The following AUTS2 variants were observed in gnomAD, a reference collection of about 807,000 sequenced individuals.
The protein encoded by AUTS2 is autism susceptibility gene 2 protein.
AUTS2 carries 17 observed loss-of-function variants against 112.4 expected under a neutral mutation model. That is an observed-to-expected ratio of 0.15 (90% confidence interval 0.10 to 0.23). AUTS2 has a LOEUF of 0.23. AUTS2 is among the 10% of genes least tolerant of loss of function. The probability of loss-of-function intolerance (pLI) is 1.00; values close to 1 mark genes in which losing one functional copy is unlikely to be tolerated. For missense variants in AUTS2, 1,510 were observed against 1,701.6 expected (o/e 0.89, Z 1.98); for synonymous variants, 751 against 702.7 (o/e 1.07, Z -1.09).
chr7:69,740,797 T>C (rs548106576), intron 1 of AUTS2, among the ~76,000 whole-genome samples: 2 of 152,276 alleles, frequency 1.3e-5, no homozygotes, highest in South Asian at 4.1e-4. Context: ...GCTGGGATTA[T>C]AGGCATGAGC....
chr7:70,359,714 A>G (rs1171540064), intron 4 of AUTS2, among the ~76,000 whole-genome samples: 2 of 151,896 alleles, frequency 1.3e-5, no homozygotes, highest in African/African-American at 4.8e-5. Flanking sequence ...ACTACACCCC[A>G]CCTCCCAACA....
chr7:69,677,712 C>T (rs1448499061), intron 1 of AUTS2, among the ~76,000 whole-genome samples: 2 of 152,100 alleles, frequency 1.3e-5, no homozygotes, highest in African/African-American at 2.4e-5. Flanking sequence ...TTGGAGACAT[C>T]GCTCACATTG....
At chr7:70,444,322 A>T (rs1234117446) in intron 5 of AUTS2, among the ~76,000 whole-genome samples, 1 of 149,804 alleles carries the variant, frequency 6.7e-6, no homozygotes, top group African/African-American at 2.5e-5. Context: ...TTCAATGAAG[A>T]TAGAACTTTT....
intron 1 of AUTS2, among the ~76,000 whole-genome samples, chr7:69,713,780 T>C (rs541693337): frequency 1.3e-5 from 2 of 152,274 alleles, no homozygotes; most frequent in African/African-American, 2.4e-5. Flanking sequence ...CTTTACGTGT[T>C]CTTAATTGAG....
intron 2 of AUTS2, among the ~76,000 whole-genome samples, chr7:70,067,304 T>G (rs191145151): frequency 6.6e-6 from 1 of 152,264 alleles, no homozygotes; most frequent in Admixed American, 6.5e-5. Flanking sequence ...TATCTAAGAA[T>G]GCAGTATACA....
At chr7:70,032,777 C>T (rs1800838287) in intron 2 of AUTS2, among the ~76,000 whole-genome samples, 1 of 152,068 alleles carries the variant, frequency 6.6e-6, no homozygotes, top group African/African-American at 2.4e-5. Flanking sequence ...GTATCCTCCT[C>T]CTCTAACCTT....
At chr7:70,177,508 T>G (rs1809053910) in intron 4 of AUTS2, among the ~76,000 whole-genome samples, 1 of 152,230 alleles carries the variant, frequency 6.6e-6, no homozygotes, top group Non-Finnish European at 1.5e-5. Flanking sequence ...TCATTTCATT[T>G]CTGTTATTTC....
chr7:70,692,278 C>T (rs1055344486), intron 5 of AUTS2, among the ~76,000 whole-genome samples: 2 of 152,218 alleles, frequency 1.3e-5, no homozygotes, highest in Non-Finnish European at 2.9e-5. Context: ...TGCCATCGTG[C>T]TCTCAGTTTA....
rs1563200483 is a variant in AUTS2 at position 70,787,435 on chromosome 7, CG to C, written c.2531+6del. 6.2e-7 allele frequency: 1 copy of C among 1,601,306 alleles called. No homozygotes were observed. The highest frequency in any genetic ancestry group is 1.7e-5 in the Admixed American group (1 of 59,104). On this transcript the variant is annotated splice_donor_5th_base_variant and intron_variant, in intron 18 of 18. Transcript: ENST00000342771. ...TTAGTAAAGATGACAAAGAAAGGTA[CG>C]GAAAGAAACCGCTCTCGAGTCCCCA...
At chr7:70,647,371 T>C (rs907610944) in intron 5 of AUTS2, among the ~76,000 whole-genome samples, 6 of 152,228 alleles carry the variant, frequency 3.9e-5, no homozygotes, top group African/African-American at 1.4e-4. Context: ...CTGCAAGCCC[T>C]GAATGTGCCT....
chr7:70,562,070 A>G (rs1168707665), intron 5 of AUTS2, among the ~76,000 whole-genome samples: 1 of 151,980 alleles, frequency 6.6e-6, no homozygotes, highest in Non-Finnish European at 1.5e-5. Context: ...CCTGTTGACT[A>G]CCCTTGCCTT....
chr7:70,170,677 A>G (rs532728255), intron 4 of AUTS2, among the ~76,000 whole-genome samples: 2 of 150,306 alleles, frequency 1.3e-5, no homozygotes, highest in East Asian at 2.0e-4. Context: ...GCTCACTGCA[A>G]CCTCACTGCA....
chr7:70,534,793 G>A (rs1446124472), intron 5 of AUTS2, among the ~76,000 whole-genome samples: 1 of 151,986 alleles, frequency 6.6e-6, no homozygotes, highest in East Asian at 1.9e-4. Flanking sequence ...TGAACACTCA[G>A]CACAGGACCA....
At chr7:69,934,525 G>C (rs1302523299) in intron 2 of AUTS2, among the ~76,000 whole-genome samples, 1 of 152,116 alleles carries the variant, frequency 6.6e-6, no homozygotes, top group Non-Finnish European at 1.5e-5. Context: ...ACTGGACAGA[G>C]GATTGTCTAG....
intron 1 of AUTS2, among the ~76,000 whole-genome samples, chr7:69,877,669 C>T (rs1163702713): frequency 2.6e-5 from 4 of 152,112 alleles, no homozygotes; most frequent in East Asian, 1.9e-4. Context: ...TCTATGAGTA[C>T]CTAGTGTTTA....
chr7:69,701,541 A>G (rs1233722196), intron 1 of AUTS2, among the ~76,000 whole-genome samples: 1 of 152,170 alleles, frequency 6.6e-6, no homozygotes, highest in Non-Finnish European at 1.5e-5. Context: ...CTTTGAGAAT[A>G]CAAAAGAATG....
intron 5 of AUTS2, among the ~76,000 whole-genome samples, chr7:70,457,384 C>T (rs1327409448): frequency 6.6e-6 from 1 of 152,180 alleles, no homozygotes; most frequent in Non-Finnish European, 1.5e-5. Flanking sequence ...TGATTTCCCT[C>T]CCCTTGTGTC....
chr7:70,217,646 T>G (rs1201426478), intron 4 of AUTS2, among the ~76,000 whole-genome samples: 1 of 152,186 alleles, frequency 6.6e-6, no homozygotes, highest in Non-Finnish European at 1.5e-5. Context: ...ATCTTCAGCT[T>G]TAGCTCTTTT....
chr7:70,705,839 A>T (rs930832935), intron 6 of AUTS2, among the ~76,000 whole-genome samples: 1 of 152,192 alleles, frequency 6.6e-6, no homozygotes, highest in African/African-American at 2.4e-5. Flanking sequence ...AAGCCCTTGG[A>T]TAGGAGTGGA....
Sources: allele counts gnomAD v4.1 joint callset (sites outside exome capture counted in the v4.1 genomes callset), GRCh38; gene constraint gnomAD v4.1.1; transcripts MANE v1.5; gene names NCBI Gene and HGNC (gene_info 2026-07-23, HGNC 2026-07-21).